Variants in DYNC1I1 observed in about 807,000 individuals in gnomAD.
DYNC1I1 encodes dynein cytoplasmic 1 intermediate chain 1.
In DYNC1I1, 43 loss-of-function variants were observed where a neutral mutation model predicts 86.6. That is an observed-to-expected ratio of 0.50 (90% CI 0.39 to 0.64). The LOEUF (loss-of-function observed/expected upper bound fraction) is 0.64. Ranked by LOEUF, DYNC1I1 falls within the 30% of genes least tolerant of loss-of-function variation. The pLI, the probability that DYNC1I1 is intolerant of heterozygous loss-of-function variation, is 0.00. For synonymous variants in DYNC1I1, 262 were observed against 283.7 expected (o/e 0.92, Z 0.77); for missense variants, 604 against 788.8 (o/e 0.77, Z 2.81).
At chr7:95,850,638 C>G (rs966351878) in intron 5 of DYNC1I1, among the ~76,000 whole-genome samples, 1 of 152,178 alleles carries the variant, frequency 6.6e-6, no homozygotes, top group African/African-American at 2.4e-5. Flanking sequence ...TCCATCTTAA[C>G]TAAGCATGTG....
intron 12 of DYNC1I1, among the ~76,000 whole-genome samples, chr7:96,034,114 T>C (rs983514138): frequency 3.3e-5 from 5 of 152,014 alleles, no homozygotes; most frequent in African/African-American, 1.2e-4. Context: ...CTCCACAAAA[T>C]ACGGATGTAA....
chr7:95,881,436 G>C (rs1488607605), intron 6 of DYNC1I1, among the ~76,000 whole-genome samples: 1 of 152,210 alleles, frequency 6.6e-6, no homozygotes, highest in Non-Finnish European at 1.5e-5. Flanking sequence ...AAGATTTTCT[G>C]TAAAATTGTT....
chr7:96,045,348 C>A (rs1285458398), intron 14 of DYNC1I1, among the ~76,000 whole-genome samples: 1 of 152,022 alleles, frequency 6.6e-6, no homozygotes, highest in African/African-American at 2.4e-5. Context: ...GAATTCACTG[C>A]AAATGAGGAC....
chr7:96,052,164 T>C (rs4729231), intron 14 of DYNC1I1, among the ~76,000 whole-genome samples: 151,366 of 152,286 alleles, frequency 0.99, 75,225 homozygotes, highest in East Asian at 1. Context: ...TTTAAAAAGA[T>C]GTACATTGAA....
At chr7:96,090,627 TC>T (rs1156952342) in intron 16 of DYNC1I1, among the ~76,000 whole-genome samples, 1 of 152,080 alleles carries the variant, frequency 6.6e-6, no homozygotes, top group African/African-American at 2.4e-5. Context: ...GGATGAGGGT[TC>T]CCTTAGATGG....
chr7:95,936,679 G>T (rs773091153), intron 6 of DYNC1I1, among the ~76,000 whole-genome samples: 1 of 151,716 alleles, frequency 6.6e-6, no homozygotes, highest in Admixed American at 6.6e-5. Flanking sequence ...AAAAAGCAGA[G>T]GACAATAGTT....
At chr7:95,947,636 G>T (rs1233839355) in intron 6 of DYNC1I1, among the ~76,000 whole-genome samples, 7 of 152,042 alleles carry the variant, frequency 4.6e-5, no homozygotes, top group African/African-American at 1.4e-4. Context: ...CATAGTGAGG[G>T]GTGGGGCAGA....
Position 96,050,980 on chromosome 7 carries a change from TG to T in DYNC1I1, c.1509+11560del, listed in dbSNP as rs552693162. 8.5e-5 allele frequency among the ~76,000 whole-genome samples: 13 copies of T among 152,350 alleles called. No individual in the cohort carries two copies. The South Asian group carries it at 1.0e-3, about 12-fold the overall frequency. ...CTGTATCTTAGCACATTAAATTTCCTGTCCATCAAAACATGCTGGAGCTGAT... is the reference window on the plus strand; with the variant it reads ...CTGTATCTTAGCACATTAAATTTCCTTCCATCAAAACATGCTGGAGCTGAT... On this transcript the variant is annotated intron_variant, in intron 14 of 16. Coordinates refer to ENST00000447467, the MANE Select transcript of DYNC1I1 (RefSeq NM_001135556.2).
intron 10 of DYNC1I1, among the ~76,000 whole-genome samples, chr7:96,002,799 A>ATT (rs375524642): frequency 6.9e-6 from 1 of 144,406 alleles, no homozygotes; most frequent in Non-Finnish European, 1.5e-5. Context: ...TAAGCTCAGC[A>ATT]TTTTTTTTTT....
intron 1 of DYNC1I1, among the ~76,000 whole-genome samples, chr7:95,796,809 GGGTTCCCCAGAAACATTAGGGATCTGTAA>G (rs1241009559): frequency 1.3e-5 from 2 of 151,782 alleles, no homozygotes; most frequent in East Asian, 3.9e-4. Context: ...GAACCCCTAG[GGGTTCCCCAGAAACATTAGGGATCTGTAA>G]GGTCAAAGCT....
chr7:95,884,943 G>C (rs2116241811), intron 6 of DYNC1I1, among the ~76,000 whole-genome samples: 1 of 152,198 alleles, frequency 6.6e-6, no homozygotes, highest in Middle Eastern at 3.4e-3. Flanking sequence ...AAAAATTCAT[G>C]TAAGATGCTT....
chr7:95,972,346 C>T (rs907119729), intron 6 of DYNC1I1, among the ~76,000 whole-genome samples: 2 of 152,074 alleles, frequency 1.3e-5, no homozygotes, highest in African/African-American at 2.4e-5. Context: ...GCTGCTACTG[C>T]GTTTTCCTCC....
chr7:95,821,323 G>C (rs897951275), intron 4 of DYNC1I1, among the ~76,000 whole-genome samples: 21 of 152,126 alleles, frequency 1.4e-4, no homozygotes, highest in African/African-American at 4.6e-4. Flanking sequence ...TCTCAAATAT[G>C]CATACTCAGA....
At chr7:95,924,885 G>A (rs1276820219) in intron 6 of DYNC1I1, among the ~76,000 whole-genome samples, 6 of 152,124 alleles carry the variant, frequency 3.9e-5, no homozygotes. Flanking sequence ...CTCTCCTAGA[G>A]TCTCTTAGGT....
intron 6 of DYNC1I1, among the ~76,000 whole-genome samples, chr7:95,961,794 T>C (rs927619449): frequency 8.5e-5 from 13 of 152,210 alleles, no homozygotes; most frequent in African/African-American, 3.1e-4. Context: ...TACCAGAGCA[T>C]ACTTATTTTA....
intron 16 of DYNC1I1, among the ~76,000 whole-genome samples, chr7:96,094,126 A>G (rs1364383980): frequency 1.3e-5 from 2 of 152,294 alleles, no homozygotes; most frequent in East Asian, 3.9e-4. Context: ...ACCTACAAAA[A>G]ACATAATTAA....
At chr7:95,942,266 A>G (rs897086413) in intron 6 of DYNC1I1, among the ~76,000 whole-genome samples, 47 of 152,242 alleles carry the variant, frequency 3.1e-4, no homozygotes, top group Non-Finnish European at 3.1e-4. Flanking sequence ...AAACTAGAAA[A>G]TCTAGAAGAA....
intron 6 of DYNC1I1, among the ~76,000 whole-genome samples, chr7:95,887,605 G>A (rs1401929087): frequency 1.3e-5 from 2 of 152,018 alleles, no homozygotes; most frequent in South Asian, 2.1e-4. Flanking sequence ...TATGAGCAAG[G>A]ACTAGGTTTT....
intron 14 of DYNC1I1, among the ~76,000 whole-genome samples, chr7:96,042,130 A>AT (rs1327732779): frequency 2.6e-5 from 4 of 152,242 alleles, no homozygotes; most frequent in East Asian, 1.9e-4. Context: ...TAGTACTCAT[A>AT]TTGCTGGTTG....
Sources: allele counts gnomAD v4.1 joint callset (sites outside exome capture counted in the v4.1 genomes callset), GRCh38; gene constraint gnomAD v4.1.1; transcripts MANE v1.5; gene names NCBI Gene and HGNC (gene_info 2026-07-23, HGNC 2026-07-21).